The following CCN3 variants were observed in gnomAD, a reference collection of about 807,000 sequenced individuals.
CCN3 encodes CCN family member 3.
Under a neutral mutation model 33.4 loss-of-function variants are expected in CCN3, and 20 were observed. That is an observed-to-expected ratio of 0.60 (90% CI 0.42 to 0.87). The LOEUF is 0.87. Among genes scored for constraint, CCN3 ranks in the 40% least tolerant of loss-of-function variants. The pLI, the probability that CCN3 is intolerant of heterozygous loss-of-function variation, is 0.00. For synonymous variants in CCN3, 205 were observed against 170.4 expected (o/e 1.20, Z -1.58); for missense variants, 465 against 455.3 (o/e 1.02, Z -0.19).
Position 119,416,970 on chromosome 8 carries a change from G to C in CCN3, c.310+1G>C. 2.5e-6 allele frequency: 4 copies of C among 1,608,652 alleles called. No homozygotes were observed. Among genetic ancestry groups the C allele is most frequent in the African/African-American group, 1.3e-5 (1 of 74,934 alleles). On this transcript the variant is annotated splice_donor_variant, in intron 2 of 4. Coordinates refer to ENST00000259526, the MANE Select transcript of CCN3 (RefSeq NM_002514.4). LOFTEE classifies it high-confidence loss of function. ...AGCAACCAGACTGGCATCTGCACGG[G>C]TAATCCTGCTCCCTCTGCTGTTTGA...
intron 4 of CCN3, among the ~76,000 whole-genome samples, chr8:119,422,478 A>C (rs989047526): frequency 6.6e-6 from 1 of 152,250 alleles, no homozygotes; most frequent in East Asian, 1.9e-4. Flanking sequence ...TTTCACCTGC[A>C]TGCTCATCTC....
rs191846263 is a variant in CCN3, at chr8:119,423,973, C to G, written c.*841C>G. 6.6e-6 allele frequency: 1 copy of G among 152,290 alleles called. No homozygotes were observed. Among genetic ancestry groups the G allele is most frequent in the African/African-American group, 2.4e-5 (1 of 41,560 alleles). The allele number at this position is 152,290 out of a possible 1,614,324, so 9.4% of individuals were successfully genotyped here. ...GATGAGTAAACTGAGGCCCAAAGCACTTGCTTACATCCTCTGATAGCTGTT... is the reference window on the plus strand; with the variant it reads ...GATGAGTAAACTGAGGCCCAAAGCAGTTGCTTACATCCTCTGATAGCTGTT... On this transcript the variant is annotated 3_prime_UTR_variant, in exon 5 of 5. Coordinates refer to ENST00000259526, the MANE Select transcript of CCN3 (RefSeq NM_002514.4).
intron 4 of CCN3, among the ~76,000 whole-genome samples, chr8:119,421,524 C>G (rs971458463): frequency 2.0e-4 from 30 of 152,132 alleles, no homozygotes; most frequent in African/African-American, 6.8e-4. Context: ...TCTAATCACC[C>G]CACAAGCTGT....
At position 119,416,978 on chromosome 8, in the gene CCN3, G is replaced by A. The variant is rs750023897; in HGVS notation, c.310+9G>A. 2 of 1,597,422 alleles carry A rather than the reference G, an allele frequency of 1.3e-6. No homozygotes were observed. Among genetic ancestry groups the A allele is most frequent in the Non-Finnish European group, 1.7e-6 (2 of 1,168,938 alleles). On this transcript the variant is annotated intron_variant, in intron 2 of 4. Transcript: ENST00000259526. The stretch of plus-strand genomic sequence containing the variant: ...GACTGGCATCTGCACGGGTAATCCT[G>A]CTCCCTCTGCTGTTTGACCTCTTCT...
chr8:119,418,414 T>C (rs1168752262), intron 3 of CCN3, 105 bp downstream of exon 3: 1 of 1,447,750 alleles, frequency 6.9e-7, no homozygotes, highest in Non-Finnish European at 9.3e-7. Context: ...CCTCAGTTTC[T>C]GGTCATTCAG....
Position 119,417,823 on chromosome 8 carries a change from T to C in CCN3, c.311-235T>C, listed in dbSNP as rs186780210. Among the ~76,000 whole-genome samples the C allele has an allele frequency of 5.3e-3, 813 of 152,320 alleles. 27 individuals carry two copies. The highest frequency in any genetic ancestry group is 0.05 in the Admixed American group (758 of 15,306). On this transcript the variant is annotated intron_variant, in intron 2 of 4. Transcript: ENST00000259526. Reference sequence around the variant, plus strand: ...ACTTCACAGTTGCACACCTCTTTCCTCATCCATAAAATGAGTGGCAAGACT... The same window carrying C: ...ACTTCACAGTTGCACACCTCTTTCCCCATCCATAAAATGAGTGGCAAGACT...
chr8:119,422,172 A>AAG (rs1820133679), intron 4 of CCN3, among the ~76,000 whole-genome samples: 1 of 151,630 alleles, frequency 6.6e-6, no homozygotes. Context: ...GAGAGAGAGA[A>AAG]AGAGAGAGAG....
chr8:119,416,836 C>T lies in CCN3; in HGVS notation c.177C>T (p.Asp59=), dbSNP rs1323853561. The T allele has an allele frequency of 1.9e-6, 3 of 1,611,952 alleles. No homozygotes were observed. Among genetic ancestry groups the T allele is most frequent in the East Asian group, 2.2e-5 (1 of 44,816 alleles). The change falls in exon 2 of 5, where the codon GAC becomes GAT. Residue 59 remains aspartate, a synonymous_variant. Transcript: ENST00000259526. ...TCAPGVRAVL[D]GCSCCLVCAR... ...CCCCCGGGGTGCGCGCGGTGCTGGA[C>T]GGCTGCTCATGCTGTCTGGTGTGTG...
chr8:119,417,319 G>T (rs1277925380), intron 2 of CCN3, among the ~76,000 whole-genome samples: 2 of 152,066 alleles, frequency 1.3e-5, no homozygotes, highest in African/African-American at 4.8e-5. Flanking sequence ...TGGAAGCTCG[G>T]GTTTACTCAC....
chr8:119,416,905 C>T lies in CCN3; in HGVS notation c.246C>T (p.Asp82=), dbSNP rs922139557. Reference sequence around the variant, plus strand: ...GCTGCTCAGATCTGGAGCCATGCGACGAGAGCAGTGGCCTCTACTGTGATC... The same window carrying T: ...GCTGCTCAGATCTGGAGCCATGCGATGAGAGCAGTGGCCTCTACTGTGATC... ...GESCSDLEPC[D]ESSGLYCDRS... Residue 82 remains aspartate, a synonymous_variant, in exon 2 of 5, where the codon GAC becomes GAT. Transcript: ENST00000259526. 5 of 1,613,886 alleles carry T rather than the reference C, an allele frequency of 3.1e-6. No homozygotes were observed. The African/African-American group carries it at 6.7e-5, about 22-fold the overall frequency.
At chr8:119,419,939 T>G (rs1041143627) in intron 4 of CCN3, 8 of 152,930 alleles carry the variant, frequency 5.2e-5, no homozygotes, top group South Asian at 2.1e-4. Context: ...TTATTTTTTT[T>G]TTGTTGGAAT....
rs146047439 is a variant in CCN3, at chr8:119,418,203, G to A, written c.456G>A (p.Glu152=). 2,066 of 1,614,192 alleles carry A rather than the reference G, an allele frequency of 1.3e-3. 3 individuals carry two copies. Among genetic ancestry groups the A allele is most frequent in the Middle Eastern group, 9.6e-3 (58 of 6,048 alleles). The change falls in exon 3 of 5, where the codon GAG becomes GAA. Residue 152 remains glutamate, a synonymous_variant. Transcript: ENST00000259526. ...GTCAGCTGGATGTGCTACTGCCTGAGCCTAACTGCCCAGCTCCAAGAAAAG... is the reference window on the plus strand; with the variant it reads ...GTCAGCTGGATGTGCTACTGCCTGAACCTAACTGCCCAGCTCCAAGAAAAG... The part of the protein sequence containing the change: ...PRCQLDVLLP[E]PNCPAPRKVE...
rs1439549371 is a variant in CCN3, at chr8:119,423,158, A to G, written c.*26A>G. 12 of 1,596,208 alleles carry G rather than the reference A, an allele frequency of 7.5e-6. No individual in the cohort carries two copies. Among genetic ancestry groups the G allele is most frequent in the Non-Finnish European group, 1.0e-5 (12 of 1,167,866 alleles). On this transcript the variant is annotated 3_prime_UTR_variant, in exon 5 of 5. Transcript: ENST00000259526. ...CCTGTCACTCAAGAAGCACACCTAC[A>G]GAGCACCTGTAGCTGCTGCGCCACC...
At chr8:119,417,738 G>A (rs1361397329) in intron 2 of CCN3, among the ~76,000 whole-genome samples, 1 of 152,176 alleles carries the variant, frequency 6.6e-6, no homozygotes, top group Non-Finnish European at 1.5e-5. Context: ...GAAACTCTAA[G>A]GAGGTTCTCG....
At chr8:119,416,673 C>A in intron 1 of CCN3, 57 bp downstream of exon 1, 1 of 1,587,904 alleles carries the variant, frequency 6.3e-7, no homozygotes, top group Non-Finnish European at 8.6e-7. Context: ...TGGTGGCCCC[C>A]ATTTGGTCAC....
intron 4 of CCN3, chr8:119,419,884 G>T (rs1820100813): frequency 6.5e-6 from 1 of 154,108 alleles, no homozygotes; most frequent in African/African-American, 2.4e-5. Context: ...TAATACATTT[G>T]CCAGCATAAA....
chr8:119,421,163 C>T (rs114127812), intron 4 of CCN3, among the ~76,000 whole-genome samples: 3 of 151,966 alleles, frequency 2.0e-5, no homozygotes, highest in South Asian at 2.1e-4. Flanking sequence ...GGATTACAGA[C>T]GCCCTCCACC....
intron 3 of CCN3, among the ~76,000 whole-genome samples, 168 bp downstream of exon 3, chr8:119,418,477 C>G (rs1327940909): frequency 6.6e-6 from 1 of 152,164 alleles, no homozygotes; most frequent in Non-Finnish European, 1.5e-5. Flanking sequence ...GACATTAGAT[C>G]AAACATATTT....
chr8:119,419,468 C>A (rs1019591760), intron 4 of CCN3, 123 bp downstream of exon 4: 6 of 941,046 alleles, frequency 6.4e-6, no homozygotes, highest in Middle Eastern at 3.4e-4. Flanking sequence ...GGAGTTAACC[C>A]CAGAGAAAAG....
Sources: gnomAD v4.1 joint callset for allele counts (sites outside exome capture counted in the v4.1 genomes callset) on GRCh38, gnomAD v4.1.1 for gene constraint, MANE v1.5 for transcripts, NCBI Gene and HGNC (gene_info 2026-07-23, HGNC 2026-07-21) for gene names.